Variants in ADCY8 observed in about 807,000 individuals in gnomAD.
The protein encoded by ADCY8 is adenylate cyclase 8, also known as adenylate cyclase type 8.
A neutral mutation model predicts 119.7 loss-of-function variants in ADCY8; 51 were observed. The observed-to-expected ratio is 0.43, with a 90% CI of 0.34 to 0.54. The LOEUF is 0.54. Ranked by LOEUF, ADCY8 falls within the 20% of genes least tolerant of loss-of-function variation. The pLI, the probability that ADCY8 is intolerant of heterozygous loss-of-function variation, is 0.03. For synonymous variants in ADCY8, 665 were observed against 651.0 expected, an observed-to-expected ratio of 1.02 and a Z score of -0.33; for missense variants, 1,383 against 1,598.8, an observed-to-expected ratio of 0.87 and a Z score of 2.30.
intron 5 of ADCY8, among the ~76,000 whole-genome samples, chr8:130,918,395 C>G (rs1367135487): frequency 6.6e-6 from 1 of 152,108 alleles, no homozygotes; most frequent in Admixed American, 6.5e-5. Flanking sequence ...ATCCCAAAAG[C>G]CTCATCTCCA....
rs72712493 is a variant in ADCY8 at position 130,861,666 on chromosome 8, T to C, written c.2210+6180A>G. On this transcript the variant is annotated intron_variant, in intron 9 of 17. Coordinates refer to ENST00000286355, the MANE Select transcript of ADCY8 (RefSeq NM_001115.3). Reference sequence around the variant, plus strand: ...TCCTTTCTGATATGTATGCCTTTTATTTCTTTTTGTTGTTTTGTTTCAATA... The same window carrying C: ...TCCTTTCTGATATGTATGCCTTTTACTTCTTTTTGTTGTTTTGTTTCAATA... Among the ~76,000 whole-genome samples the C allele has an allele frequency of 4.6e-3, 705 of 152,286 alleles. 5 individuals carry two copies. The highest frequency in any genetic ancestry group is 0.029 in the South Asian group (138 of 4,828).
At chr8:130,830,044 C>T (rs1217270076) in intron 12 of ADCY8, among the ~76,000 whole-genome samples, 7 of 152,178 alleles carry the variant, frequency 4.6e-5, no homozygotes, top group Admixed American at 4.6e-4. Flanking sequence ...CTTTGTCATC[C>T]AACACCCCTA....
chr8:130,891,511 T>C (rs746554890), intron 7 of ADCY8, among the ~76,000 whole-genome samples: 70 of 152,192 alleles, frequency 4.6e-4, no homozygotes, highest in Non-Finnish European at 7.6e-4. Context: ...ACCTAGTTAA[T>C]ATACCCATCA....
At chr8:130,992,419 A>ATATATATATATG (rs1563759141) in intron 1 of ADCY8, among the ~76,000 whole-genome samples, 8 of 127,776 alleles carry the variant, frequency 6.3e-5, no homozygotes, top group African/African-American at 2.7e-4. Flanking sequence ...ATATATATAT[A>ATATATATATATG]TATATATATA....
At chr8:131,001,200 C>A in intron 1 of ADCY8, among the ~76,000 whole-genome samples, 1 of 152,116 alleles carries the variant, frequency 6.6e-6, no homozygotes, top group East Asian at 1.9e-4. Flanking sequence ...GGCTATTCCG[C>A]CTCAAAGCCT....
intron 2 of ADCY8, among the ~76,000 whole-genome samples, chr8:130,971,713 G>T (rs1000587221): frequency 2.0e-5 from 3 of 152,158 alleles, no homozygotes; most frequent in Non-Finnish European, 4.4e-5. Flanking sequence ...TGATATGTGA[G>T]CTGAGTTTTG....
rs746344115 is a variant in ADCY8, at chr8:130,884,580, G to C, written c.2093C>G (p.Ser698Cys). The C allele has an allele frequency of 1.1e-5, 18 of 1,613,790 alleles. No individual in the cohort carries two copies. The highest frequency in any genetic ancestry group is 2.2e-5 in the East Asian group (1 of 44,856). Reference sequence around the variant, plus strand: ...CAGCTCTACCTTGTGCTCCAGGCTGGAGTCTTTAAACATCAGTGAGAATGG... The same window carrying C: ...CAGCTCTACCTTGTGCTCCAGGCTGCAGTCTTTAAACATCAGTGAGAATGG... The part of the protein sequence containing the change: ...IKPFSLMFKD[S>C]SLEHKYSQMR... The change falls in exon 8 of 18, where the codon TCC becomes TGC. Residue 698 changes from serine (S) to cysteine (C), a missense_variant. Ser to Cys is a moderately radical substitution (Grantham distance 112). This residue lies in a region of ADCY8 where 928 missense variants were observed against 1,163.5 expected (regional missense o/e 0.80). Transcript: ENST00000286355.
chr8:130,802,416 C>T (rs975204830), intron 14 of ADCY8, among the ~76,000 whole-genome samples: 8 of 152,184 alleles, frequency 5.3e-5, no homozygotes, highest in African/African-American at 1.9e-4. Flanking sequence ...TACTGGGTTT[C>T]CTGACTCCAG....
At chr8:130,803,836 A>T (rs1815858806) in intron 14 of ADCY8, among the ~76,000 whole-genome samples, 1 of 152,200 alleles carries the variant, frequency 6.6e-6, no homozygotes, top group South Asian at 2.1e-4. Context: ...TCACTGATTC[A>T]TCATCAATTT....
At chr8:130,953,089 A>G (rs1393909433) in intron 2 of ADCY8, among the ~76,000 whole-genome samples, 2 of 152,214 alleles carry the variant, frequency 1.3e-5, no homozygotes, top group Non-Finnish European at 2.9e-5. Flanking sequence ...GAAACTAGGC[A>G]AGAGGCTGGC....
intron 5 of ADCY8, among the ~76,000 whole-genome samples, chr8:130,920,383 G>C (rs904306154): frequency 1.8e-4 from 27 of 151,996 alleles, no homozygotes; most frequent in African/African-American, 6.5e-4. Context: ...GGATGCTAAT[G>C]GAATATGGCT....
Position 130,990,512 on chromosome 8 carries a change from T to A in ADCY8, c.991A>T (p.Met331Leu), listed in dbSNP as rs370095105. ...VVAQAVLFMCMNTAGIFISYL... is the reference protein window; with the variant it reads ...VVAQAVLFMCLNTAGIFISYL... Reference sequence around the variant, plus strand: ...CTGATGAAGATTCCAGCTGTGTTCATACACATGAATAGCACTGCCTGGGCC... The same window carrying A: ...CTGATGAAGATTCCAGCTGTGTTCAAACACATGAATAGCACTGCCTGGGCC... Residue 331 changes from methionine to leucine, a missense_variant, in exon 2 of 18, where the codon ATG (methionine) becomes TTG (leucine). By Grantham distance (15) the Met-to-Leu change is conservative. Around this residue, in one of 2 missense-constraint regions of ADCY8, gnomAD observed 928 missense variants for 1,163.5 expected, o/e 0.80. Transcript: ENST00000286355. 2 of 1,614,046 alleles carry A rather than the reference T, an allele frequency of 1.2e-6. No homozygotes were observed. The highest frequency in any genetic ancestry group is 2.7e-5 in the African/African-American group (2 of 74,940).
intron 12 of ADCY8, among the ~76,000 whole-genome samples, chr8:130,822,552 ATCC>A (rs1476596494): frequency 1.3e-5 from 2 of 149,592 alleles, no homozygotes; most frequent in African/African-American, 2.5e-5. Flanking sequence ...CCATCCATCC[ATCC>A]ATCCATCCAT....
intron 9 of ADCY8, among the ~76,000 whole-genome samples, chr8:130,866,310 C>T (rs1818119335): frequency 6.9e-6 from 1 of 144,260 alleles, no homozygotes; most frequent in East Asian, 2.0e-4. Flanking sequence ...CATGGCCTGC[C>T]CTTGCATATT....
chr8:130,994,552 A>G (rs1391063822), intron 1 of ADCY8, among the ~76,000 whole-genome samples: 2 of 152,196 alleles, frequency 1.3e-5, no homozygotes, highest in African/African-American at 2.4e-5. Context: ...AAAGTTTTGA[A>G]ATCCATATTA....
At chr8:130,815,717 C>A (rs1426807379) in intron 13 of ADCY8, among the ~76,000 whole-genome samples, 1 of 152,190 alleles carries the variant, frequency 6.6e-6, no homozygotes, top group East Asian at 1.9e-4. Flanking sequence ...AGTTGCTAGA[C>A]AGATATAGCT....
chr8:130,845,565 A>G (rs1175753215), intron 11 of ADCY8, among the ~76,000 whole-genome samples: 3 of 152,106 alleles, frequency 2.0e-5, no homozygotes, highest in Non-Finnish European at 4.4e-5. Flanking sequence ...ACTCTCTCCA[A>G]AAGTTGAGAC....
rs367989758 is a variant in ADCY8, at chr8:130,937,084, G to C, written c.1470C>G (p.Ile490Met). 5.6e-6 allele frequency: 9 copies of C among 1,611,888 alleles called. No homozygotes were observed. Among genetic ancestry groups the C allele is most frequent in the Non-Finnish European group, 7.6e-6 (9 of 1,178,866 alleles). Residue 490 changes from isoleucine to methionine, a missense_variant, in exon 5 of 18, where the codon ATC becomes ATG. This residue lies in a region of ADCY8 where 928 missense variants were observed against 1,163.5 expected (regional missense o/e 0.80). Coordinates refer to ENST00000286355, the MANE Select transcript of ADCY8 (RefSeq NM_001115.3). ...HCCVEMGLSM[I>M]KTIRYVRSRT... ...GGATCACAAATTACCTGATGGTTTT[G>C]ATCATGCTGAGACCCATTTCAACAC... is the stretch of plus-strand genomic sequence containing the variant.
chr8:130,961,443 A>ATCTCTTCATAAT (rs1400067297), intron 2 of ADCY8, among the ~76,000 whole-genome samples: 6 of 151,100 alleles, frequency 4.0e-5, no homozygotes, highest in Admixed American at 4.0e-4. Flanking sequence ...CTCTTCATAA[A>ATCTCTTCATAAT]TCTCTTTATG....
Sources: allele counts gnomAD v4.1 joint callset (sites outside exome capture counted in the v4.1 genomes callset), GRCh38; gene constraint gnomAD v4.1.1; regional missense constraint gnomAD v4.1.1; transcripts MANE v1.5; gene names NCBI Gene and HGNC (gene_info 2026-07-23, HGNC 2026-07-21).